CATSPER1: variants seen among roughly 807,000 people sequenced by gnomAD.
CATSPER1 encodes the protein cation channel sperm-associated protein 1.
In CATSPER1, 57 loss-of-function variants were observed where a neutral mutation model predicts 72.7. That is an observed-to-expected ratio of 0.78 (90% confidence interval 0.63 to 0.98). The LOEUF is 0.98. CATSPER1 is among the 50% of genes least tolerant of loss of function. The probability of loss-of-function intolerance (pLI) is 0.00; values close to 1 mark genes in which losing one functional copy is unlikely to be tolerated. For missense variants in CATSPER1, 910 were observed against 1,033.9 expected (o/e 0.88, Z 1.64); for synonymous variants, 363 against 403.0 (o/e 0.90, Z 1.19).
rs765154714 is a variant in CATSPER1, at chr11:66,025,455, AC to A, written c.924del (p.Tyr309IlefsTer26). 9.3e-6 allele frequency: 15 copies of A among 1,610,106 alleles called. No individual in the cohort carries two copies. Among genetic ancestry groups the A allele is most frequent in the Non-Finnish European group, 1.7e-6 (2 of 1,179,218 alleles). On this transcript the variant is annotated frameshift_variant, in exon 1 of 12. Coordinates refer to ENST00000312106, the MANE Select transcript of CATSPER1 (RefSeq NM_053054.4). LOFTEE classifies it high-confidence loss of function. ...TCGCCATGGAGGTAACTGGAATGAT[AC>A]GCGCCGTGGTGGTCTTGGTGCTGAT... ...DYHQHQDHHG[A>X]YHSSYLHGDY...
In CATSPER1 at chr11:66,026,104, G is replaced by T. The variant is rs754610805; in HGVS notation, c.276C>A (p.Gly92=). The T allele has an allele frequency of 6.2e-7, 1 of 1,611,828 alleles. No homozygotes were observed. Among genetic ancestry groups the T allele is most frequent in the Admixed American group, 1.7e-5 (1 of 59,986 alleles). ...AGGGAGCCAGACCAAAGCCTGTGGG[G>T]CCATGGGCTCTGCCGTGATTCCGTG... ...SEARNHGRAH[G]PTGFGLAPSQ... is the part of the protein sequence containing the mutation. Residue 92 remains glycine (G), a synonymous_variant, in exon 1 of 12, where the codon GGC becomes GGA. Coordinates refer to ENST00000312106, the MANE Select transcript of CATSPER1 (RefSeq NM_053054.4).
At chr11:66,018,806 G>A (rs201464468) in intron 10 of CATSPER1, 21 bp downstream of exon 10, 108 of 1,611,404 alleles carry the variant, frequency 6.7e-5, no homozygotes, top group Non-Finnish European at 5.4e-5. Context: ...CCCAGGCCTC[G>A]CTCCCTTCCT....
In CATSPER1 at chr11:66,017,193, G is replaced by GGGGGGGGGGGGGGGGGGGGGGGGCCCC; in HGVS notation, c.2202-20_2202-19insGGGGCCCCCCCCCCCCCCCCCCCCCCC. 1 of 493,814 alleles carries GGGGGGGGGGGGGGGGGGGGGGGGCCCC rather than the reference G, an allele frequency of 2.0e-6. No homozygotes were observed. The highest frequency in any genetic ancestry group is 4.0e-6 in the Non-Finnish European group (1 of 252,620). 30.6% of individuals were successfully genotyped at this position (493,814 alleles called of 1,614,324 possible). On this transcript the variant is annotated intron_variant, in intron 10 of 11. Transcript: ENST00000312106. ...CTGCTGCCTGCGGGTGGGCGGGGGG[G>GGGGGGGGGGGGGGGGGGGGGGGGCCCC]TCGCAGAGACAGGGGCTGGGCTGAC... is the stretch of plus-strand genomic sequence containing the variant.
rs1396543376 is a variant in CATSPER1 at position 66,017,133 on chromosome 11, C to A, written c.2243G>T (p.Ser748Ile). The A allele has an allele frequency of 6.6e-7, 1 of 1,517,568 alleles. No homozygotes were observed. 94.0% of individuals were successfully genotyped at this position (1,517,568 alleles called of 1,614,324 possible). A position where few individuals can be genotyped will look rare whatever the true frequency, so the allele number is the denominator to read the frequency against. The change falls in exon 11 of 12, where the codon AGC becomes ATC. Residue 748 changes from serine (S) to isoleucine (I), a missense_variant. Ser to Ile is a moderately radical substitution (Grantham distance 142). Coordinates refer to ENST00000312106, the MANE Select transcript of CATSPER1 (RefSeq NM_053054.4). The stretch of plus-strand genomic sequence containing the variant: ...GAACTTCTGCTGCTCCTGCTCCACG[C>A]TTGCCACCAGCTGCAGGTAATGGAA... Reference protein sequence around the residue: ...LLFHYLQLVASVEQEQQKFRS... With the variant: ...LLFHYLQLVAIVEQEQQKFRS...
rs980971607 is a variant in CATSPER1, at chr11:66,018,863, C to T, written c.2165G>A (p.Arg722Gln). The T allele has an allele frequency of 7.4e-6, 12 of 1,613,856 alleles. No homozygotes were observed. Among genetic ancestry groups the T allele is most frequent in the African/African-American group, 2.7e-5 (2 of 74,888 alleles). ...GGTCCCAAACTTTTTCTCGATGAGC[C>T]GCTTCAGCATGGTGCCTTCACTCGC... ...EVASEGTMLK[R>Q]LIEKKFGTMT... Residue 722 changes from arginine to glutamine, a missense_variant, in exon 10 of 12, where the codon CGG becomes CAG. Transcript: ENST00000312106.
rs758532720 is a variant in CATSPER1 at position 66,026,071 on chromosome 11, G to A, written c.309C>T (p.Gly103=). Residue 103 remains glycine (G), a synonymous_variant, in exon 1 of 12, where the codon GGC becomes GGT. Coordinates refer to ENST00000312106, the MANE Select transcript of CATSPER1 (RefSeq NM_053054.4). ...PTGFGLAPSQ[G]AVPSHRSYGE... is the part of the protein sequence containing the mutation. ...CGTAGGAACGGTGGGAGGGGACGGC[G>A]CCTTGAGAGGGAGCCAGACCAAAGC... The A allele has an allele frequency of 2.1e-5, 34 of 1,613,706 alleles. No homozygotes were observed. Among genetic ancestry groups the A allele is most frequent in the Non-Finnish European group, 2.7e-5 (32 of 1,179,812 alleles).
chr11:66,020,386 C>A lies in CATSPER1; in HGVS notation c.1995G>T (p.Leu665=). The A allele has an allele frequency of 6.2e-7, 1 of 1,614,058 alleles. No homozygotes were observed. Among genetic ancestry groups the A allele is most frequent in the Non-Finnish European group, 8.5e-7 (1 of 1,180,028 alleles). Reference sequence around the variant, plus strand: ...AGCTATCCACCAGGACAGTAATCACCAGGCTGGGGAGAGGGACAGGGGTGT... The same window carrying A: ...AGCTATCCACCAGGACAGTAATCACAAGGCTGGGGAGAGGGACAGGGGTGT... ...IIIQYFIFLN[L]VITVLVDSFQ... is the part of the protein sequence containing the mutation. The change falls in exon 8 of 12, where the codon CTG becomes CTT. Residue 665 remains leucine (L), a synonymous_variant. Coordinates refer to ENST00000312106, the MANE Select transcript of CATSPER1 (RefSeq NM_053054.4). The surrounding 1 kb of genome is among the most constrained non-coding windows in gnomAD (Gnocchi z 4.5).
chr11:66,025,654 A>G lies in CATSPER1; in HGVS notation c.726T>C (p.His242=). The G allele has an allele frequency of 6.2e-7, 1 of 1,613,646 alleles. No individual in the cohort carries two copies. ...HEAHQHGKSP[H]HGETISPHSS... The stretch of plus-strand genomic sequence containing the variant: ...AATGAGGGGAAATGGTCTCTCCGTG[A>G]TGAGGAGACTTTCCATGCTGGTGGG... Residue 242 remains histidine (H), a synonymous_variant, in exon 1 of 12, where the codon CAT becomes CAC. Coordinates refer to ENST00000312106, the MANE Select transcript of CATSPER1 (RefSeq NM_053054.4).
chr11:66,018,965 C>A, intron 9 of CATSPER1, 63 bp from the exon 10 acceptor site: 1 of 1,392,272 alleles, frequency 7.2e-7, no homozygotes, highest in Non-Finnish European at 1.0e-6. Context: ...AGAGGAACCC[C>A]ATGTGTCAGG....
chr11:66,020,000 TA>T, intron 9 of CATSPER1, 139 bp downstream of exon 9: 1 of 718,428 alleles, frequency 1.4e-6, no homozygotes, highest in South Asian at 1.6e-5. Context: ...TCCTCTGGAC[TA>T]AAGTCCTCCT....
In CATSPER1 at chr11:66,025,299, G is replaced by A. The variant is rs1158211324; in HGVS notation, c.1081C>T (p.His361Tyr). Residue 361 changes from histidine (H) to tyrosine (Y), a missense_variant, in exon 1 of 12, where the codon CAC becomes TAC. Transcript: ENST00000312106. ...GTGCTGGAGGACCGAGTCATGCTGT[G>A]AGCCGAGCCCCGTGGGTGTGCTACG... is the stretch of plus-strand genomic sequence containing the variant. Reference protein sequence around the residue: ...YHVAHPRGSAHSMTRSSSTIR... With the variant: ...YHVAHPRGSAYSMTRSSSTIR... 6.2e-7 allele frequency: 1 copy of A among 1,614,088 alleles called. No individual in the cohort carries two copies. Among genetic ancestry groups the A allele is most frequent in the Non-Finnish European group, 8.5e-7 (1 of 1,180,042 alleles).
At chr11:66,023,203 C>T (rs1856414913) in intron 1 of CATSPER1, 142 bp from the exon 2 acceptor site, 3 of 871,306 alleles carry the variant, frequency 3.4e-6, no homozygotes, top group Non-Finnish European at 5.7e-6. Context: ...AACTCTTGTG[C>T]CTCAGCCTCC....
rs923367897 is a variant in CATSPER1, at chr11:66,026,441, G to A, written c.-62C>T. Reference sequence around the variant, plus strand: ...GACCTGGGCCCAACAGGCCCCGCCTGGATTTCCCTTCTTTCCTGAGCCAAG... The same window carrying A: ...GACCTGGGCCCAACAGGCCCCGCCTAGATTTCCCTTCTTTCCTGAGCCAAG... On this transcript the variant is annotated 5_prime_UTR_variant, in exon 1 of 12. Transcript: ENST00000312106. The A allele has an allele frequency of 1.7e-5, 28 of 1,602,724 alleles. No homozygotes were observed. In the African/African-American group the frequency reaches 3.5e-4, roughly 20 times the overall value.
chr11:66,017,194 T>TGGGGGGGGGGGGGGGGGGGCCA lies in CATSPER1; in HGVS notation c.2202-21_2202-20insTGGCCCCCCCCCCCCCCCCCCC. On this transcript the variant is annotated intron_variant, in intron 10 of 11. Transcript: ENST00000312106. ...TGCTGCCTGCGGGTGGGCGGGGGGG[T>TGGGGGGGGGGGGGGGGGGGCCA]CGCAGAGACAGGGGCTGGGCTGACC... The TGGGGGGGGGGGGGGGGGGGCCA allele has an allele frequency of 1.8e-6, 1 of 550,262 alleles. No homozygotes were observed. Among genetic ancestry groups the TGGGGGGGGGGGGGGGGGGGCCA allele is most frequent in the East Asian group, 5.3e-5 (1 of 18,946 alleles). 34.1% of individuals were successfully genotyped at this position (550,262 alleles called of 1,614,324 possible). A position where few individuals can be genotyped will look rare whatever the true frequency, so the allele number is the denominator to read the frequency against.
At position 66,020,843 on chromosome 11, in the gene CATSPER1, C is replaced by A. The variant is rs1054692812; in HGVS notation, c.1895G>T (p.Trp632Leu). Residue 632 changes from tryptophan to leucine, a missense_variant, in exon 6 of 12, where the codon TGG (tryptophan) becomes TTG (leucine). Transcript: ENST00000312106. The surrounding 1 kb of genome is among the most constrained non-coding windows in gnomAD (Gnocchi z 4.5). ...ACGGCTGTCCATGTAGATGAGGGAC[C>A]AGTCATCCAGCGTGAGCAAGGTGAA... ...TLFTLLTLDD[W>L]SLIYMDSRAQ... 2.5e-6 allele frequency: 4 copies of A among 1,613,858 alleles called. No individual in the cohort carries two copies. The highest frequency in any genetic ancestry group is 3.4e-6 in the Non-Finnish European group (4 of 1,180,002).
At position 66,017,194 on chromosome 11, in the gene CATSPER1, T is replaced by TGGGGGGGGGGGGGGGGGGGGGGGGCCCCC; in HGVS notation, c.2202-21_2202-20insGGGGGCCCCCCCCCCCCCCCCCCCCCCCC. On this transcript the variant is annotated intron_variant, in intron 10 of 11. Coordinates refer to ENST00000312106, the MANE Select transcript of CATSPER1 (RefSeq NM_053054.4). ...TGCTGCCTGCGGGTGGGCGGGGGGG[T>TGGGGGGGGGGGGGGGGGGGGGGGGCCCCC]CGCAGAGACAGGGGCTGGGCTGACC... The TGGGGGGGGGGGGGGGGGGGGGGGGCCCCC allele has an allele frequency of 1.8e-6, 1 of 550,276 alleles. No homozygotes were observed. Among genetic ancestry groups the TGGGGGGGGGGGGGGGGGGGGGGGGCCCCC allele is most frequent in the Non-Finnish European group, 3.4e-6 (1 of 295,850 alleles). The allele number at this position is 550,276 out of a possible 1,614,324, so 34.1% of individuals were successfully genotyped here. A position where few individuals can be genotyped will look rare whatever the true frequency, so the allele number is the denominator to read the frequency against.
Position 66,026,021 on chromosome 11 carries a change from T to C in CATSPER1, c.359A>G (p.Gln120Arg), listed in dbSNP as rs371291271. 36 of 1,613,956 alleles carry C rather than the reference T, an allele frequency of 2.2e-5. No homozygotes were observed. The highest frequency in any genetic ancestry group is 2.8e-5 in the Non-Finnish European group (33 of 1,180,008). ...ATCATGATGCCTCCTGCCATCACGT[T>C]GGAGCTCATCATGGTAGTCCTCACC... The part of the protein sequence containing the change: ...SYGEDYHDEL[Q>R]RDGRRHHDGS... Residue 120 changes from glutamine (Q) to arginine (R), a missense_variant, in exon 1 of 12, where the codon CAA becomes CGA. Transcript: ENST00000312106.
rs1372765599 is a variant in CATSPER1 at position 66,021,779 on chromosome 11, G to GT, written c.1529_1530insA (p.Phe510LeufsTer100). On this transcript the variant is annotated frameshift_variant, in exon 3 of 12. Coordinates refer to ENST00000312106, the MANE Select transcript of CATSPER1 (RefSeq NM_053054.4). LOFTEE classifies it high-confidence loss of function. ...GGCCGCACCCACCCAAATTGTTCCA[G>GT]AAGTCAAAGAAGTACGAGAGGCCCA... 6.2e-7 allele frequency: 1 copy of GT among 1,613,988 alleles called. No homozygotes were observed. Among genetic ancestry groups the GT allele is most frequent in the Non-Finnish European group, 8.5e-7 (1 of 1,179,994 alleles).
In CATSPER1 at chr11:66,022,881, G is replaced by A. The variant is rs551730506; in HGVS notation, c.1397C>T (p.Ala466Val). The A allele has an allele frequency of 6.2e-7, 1 of 1,614,244 alleles. No homozygotes were observed. The highest frequency in any genetic ancestry group is 8.5e-7 in the Non-Finnish European group (1 of 1,180,048). Residue 466 changes from alanine to valine, a missense_variant, in exon 2 of 12, where the codon GCC becomes GTC. Physicochemically the swap from Ala to Val is moderately conservative, Grantham distance 64. Coordinates refer to ENST00000312106, the MANE Select transcript of CATSPER1 (RefSeq NM_053054.4). Reference protein sequence around the residue: ...VVCLNTVMLVAQTFAEVEIRG... With the variant: ...VVCLNTVMLVVQTFAEVEIRG... ...GATCTCGACTTCAGCGAAGGTCTGG[G>A]CCACCAGCATGACGGTGTTGAGGCA... is the stretch of plus-strand genomic sequence containing the variant.
Sources: gnomAD v4.1 joint callset for allele counts on GRCh38, gnomAD v4.1.1 for gene constraint, Gnocchi (gnomAD v3.1) non-coding constraint, MANE v1.5 for transcripts, NCBI Gene and HGNC (gene_info 2026-07-23, HGNC 2026-07-21) for gene names.